GRK3: variants seen among roughly 807,000 people sequenced by gnomAD.
GRK3 encodes the protein G protein-coupled receptor kinase 3, also known as adrenergic, beta, receptor kinase 2.
Under a neutral mutation model 95.7 loss-of-function variants are expected in GRK3, and 54 were observed. The ratio of observed to expected loss-of-function variants is 0.56; its 90% confidence interval spans 0.45 to 0.71. GRK3 has a LOEUF of 0.71. GRK3 is among the 30% of genes least tolerant of loss of function. The pLI is 0.00. For missense variants in GRK3, 649 were observed against 851.2 expected, an observed-to-expected ratio of 0.76 and a Z score of 2.96; for synonymous variants, 281 against 290.8, an observed-to-expected ratio of 0.97 and a Z score of 0.34.
chr22:25,697,844 A>G (rs2085221883), intron 13 of GRK3, among the ~76,000 whole-genome samples: 1 of 152,234 alleles, frequency 6.6e-6, no homozygotes, highest in South Asian at 2.1e-4. Context: ...CTTGATAGAT[A>G]GGATTAGATG....
At chr22:25,708,605 T>C (rs1259777003) in intron 15 of GRK3, among the ~76,000 whole-genome samples, 1 of 151,542 alleles carries the variant, frequency 6.6e-6, no homozygotes, top group African/African-American at 2.4e-5. Context: ...AGAAAGTCAG[T>C]GGCATGTGCT....
chr22:25,690,951 A>C (rs902107640), intron 12 of GRK3, among the ~76,000 whole-genome samples: 2 of 152,170 alleles, frequency 1.3e-5, no homozygotes, highest in Admixed American at 6.5e-5. Context: ...CCAGCACCTG[A>C]CACCTCGGGG....
chr22:25,637,132 A>G (rs150024392), intron 2 of GRK3, among the ~76,000 whole-genome samples: 2,204 of 152,260 alleles, frequency 0.014, 27 homozygotes, highest in Middle Eastern at 0.041. Context: ...GCCCTTGGAC[A>G]TTGGAGCTCC....
intron 2 of GRK3, among the ~76,000 whole-genome samples, chr22:25,630,599 C>G (rs768415445): frequency 4.6e-5 from 7 of 152,204 alleles, no homozygotes; most frequent in Non-Finnish European, 1.0e-4. Flanking sequence ...CCCCTACATT[C>G]TTACATTTCC....
chr22:25,649,260 C>G, intron 3 of GRK3: 1 of 1,046,898 alleles, frequency 9.6e-7, no homozygotes, highest in Non-Finnish European at 1.5e-6. Context: ...TTTATATGCT[C>G]ACATCTGCCA....
In GRK3 at chr22:25,718,238, T is replaced by A; in HGVS notation, c.1655-7T>A. On this transcript the variant is annotated splice_region_variant and splice_polypyrimidine_tract_variant and intron_variant, in intron 18 of 20. Coordinates refer to ENST00000324198, the MANE Select transcript of GRK3 (RefSeq NM_005160.4). ...TATTTAACTCCTAGTGATTTTGTAT[T>A]CCTCAGATTACGCTCTGGGGAAGGA... 1 of 1,611,782 alleles carries A rather than the reference T, an allele frequency of 6.2e-7. No individual in the cohort carries two copies. Among genetic ancestry groups the A allele is most frequent in the Non-Finnish European group, 8.5e-7 (1 of 1,178,454 alleles).
At chr22:25,648,918 A>T in intron 3 of GRK3, 1 of 884,360 alleles carries the variant, frequency 1.1e-6, no homozygotes, top group South Asian at 1.3e-5. Flanking sequence ...AATCAAATGG[A>T]CAGCTCCTGA....
intron 2 of GRK3, among the ~76,000 whole-genome samples, chr22:25,626,485 C>T (rs1414610420): frequency 6.6e-6 from 1 of 152,182 alleles, no homozygotes; most frequent in Non-Finnish European, 1.5e-5. Flanking sequence ...GAGATATCCC[C>T]ACTTCCGGGA....
At chr22:25,670,900 A>G (rs980260553) in intron 6 of GRK3, among the ~76,000 whole-genome samples, 2 of 150,026 alleles carry the variant, frequency 1.3e-5, no homozygotes, top group African/African-American at 2.5e-5. Flanking sequence ...AAAAAAAAAA[A>G]AAAATTAGCC....
chr22:25,694,871 A>G (rs1215123653), intron 12 of GRK3, among the ~76,000 whole-genome samples: 2 of 152,202 alleles, frequency 1.3e-5, no homozygotes, highest in Non-Finnish European at 2.9e-5. Flanking sequence ...CCGAACTTGC[A>G]TTTTACATAT....
At chr22:25,656,968 C>T (rs1161216576) in intron 3 of GRK3, among the ~76,000 whole-genome samples, 1 of 152,028 alleles carries the variant, frequency 6.6e-6, no homozygotes, top group Non-Finnish European at 1.5e-5. Flanking sequence ...AAAGTTGTGG[C>T]CAAGACAGAG....
chr22:25,606,741 G>C (rs1196883610), intron 2 of GRK3, among the ~76,000 whole-genome samples: 3 of 152,154 alleles, frequency 2.0e-5, no homozygotes, highest in Admixed American at 2.0e-4. Context: ...GCCCTCCAAT[G>C]TGTGCTGTAG....
intron 1 of GRK3, among the ~76,000 whole-genome samples, chr22:25,584,674 C>T (rs2146321841): frequency 6.6e-6 from 1 of 152,390 alleles, no homozygotes; most frequent in African/African-American, 2.4e-5. Flanking sequence ...CCTTACTGTG[C>T]CTAACTGATA....
intron 3 of GRK3, among the ~76,000 whole-genome samples, chr22:25,655,941 G>A (rs536932655): frequency 2.0e-5 from 3 of 152,178 alleles, no homozygotes; most frequent in Non-Finnish European, 4.4e-5. Flanking sequence ...GTTCCGTTAC[G>A]TGCAGCATAG....
At chr22:25,648,776 C>A in intron 3 of GRK3, 2 of 1,166,164 alleles carry the variant, frequency 1.7e-6, no homozygotes, top group Non-Finnish European at 2.6e-6. Context: ...AAAGAATGAA[C>A]TATATTCACC....
At position 25,685,241 on chromosome 22, in the gene GRK3, G is replaced by A. The variant is rs1319396184; in HGVS notation, c.819G>A (p.Leu273=). ...ATAAACTCTGCTTCATCCTGGATCT[G>A]ATGAACGGTAAGCAAAACTTGGAAA... is the stretch of plus-strand genomic sequence containing the variant. ...TPDKLCFILD[L]MNGGDLHYHL... The change falls in exon 10 of 21, where the codon CTG becomes CTA. Residue 273 remains leucine, a synonymous_variant. Transcript: ENST00000324198. 3 of 1,612,336 alleles carry A rather than the reference G, an allele frequency of 1.9e-6. No individual in the cohort carries two copies. The highest frequency in any genetic ancestry group is 8.5e-7 in the Non-Finnish European group (1 of 1,178,460).
chr22:25,641,540 T>TCTTTATA (rs2084743061), intron 2 of GRK3, among the ~76,000 whole-genome samples: 1 of 152,090 alleles, frequency 6.6e-6, no homozygotes, highest in African/African-American at 2.4e-5. Flanking sequence ...ATGCGACAAT[T>TCTTTATA]TTTGCTCATC....
intron 18 of GRK3, among the ~76,000 whole-genome samples, chr22:25,716,779 C>G (rs2085389325): frequency 1.3e-5 from 2 of 152,192 alleles, no homozygotes; most frequent in Middle Eastern, 3.2e-3. Flanking sequence ...GGTTCCCAAC[C>G]CCCAGTGGGG....
At chr22:25,666,009 C>T (rs1293950294) in intron 5 of GRK3, among the ~76,000 whole-genome samples, 1 of 152,158 alleles carries the variant, frequency 6.6e-6, no homozygotes, top group Non-Finnish European at 1.5e-5. Context: ...GACAGCCTTA[C>T]AATTTAGATA....
Sources: gnomAD v4.1 joint callset for allele counts (sites outside exome capture counted in the v4.1 genomes callset) on GRCh38, gnomAD v4.1.1 for gene constraint, MANE v1.5 for transcripts, NCBI Gene and HGNC (gene_info 2026-07-23, HGNC 2026-07-21) for gene names.